LIPA: variants seen among roughly 807,000 people sequenced by gnomAD.
LIPA encodes the protein lysosomal acid lipase/cholesteryl ester hydrolase.
Under a neutral mutation model 40.6 loss-of-function variants are expected in LIPA, and 26 were observed. The ratio of observed to expected loss-of-function variants is 0.64; its 90% CI spans 0.47 to 0.89. The LOEUF (loss-of-function observed/expected upper bound fraction) is 0.89, where lower values mean the gene tolerates loss of function less well. LIPA is among the 40% of genes least tolerant of loss of function. The pLI, the probability that LIPA is intolerant of heterozygous loss-of-function variation, is 0.00. For missense variants in LIPA, 455 were observed against 479.6 expected (o/e 0.95, Z 0.48); for synonymous variants, 188 against 168.4 (o/e 1.12, Z -0.90).
At chr10:89,402,550 T>A (rs1844446204) in intron 2 of LIPA, 1 of 1,613,952 alleles carries the variant, frequency 6.2e-7, no homozygotes, top group Non-Finnish European at 8.5e-7. Context: ...CAAGCAAATG[T>A]GAGGAGTCTG....
At chr10:89,277,921 C>T (rs1205892382) in intron 1 of LIPA, 6 of 152,110 alleles carry the variant, frequency 3.9e-5, no homozygotes, top group South Asian at 2.1e-4. Flanking sequence ...TTAAGTGTTT[C>T]GTGCTCACTT....
At chr10:89,267,558 A>G (rs1172820290) in intron 1 of LIPA, among the ~76,000 whole-genome samples, 7 of 112,158 alleles carry the variant, frequency 6.2e-5, no homozygotes, top group Non-Finnish European at 1.2e-4. Context: ...GAAGGGGAAT[A>G]TCACACTCTG....
chr10:89,261,717 T>G (rs532250332), intron 1 of LIPA, among the ~76,000 whole-genome samples: 1 of 152,250 alleles, frequency 6.6e-6, no homozygotes, highest in South Asian at 2.1e-4. Flanking sequence ...CTAGTCTCAT[T>G]CTGTACCTTC....
intron 2 of LIPA, chr10:89,383,591 G>T (rs1224591269): frequency 6.2e-7 from 1 of 1,614,096 alleles, no homozygotes; most frequent in Non-Finnish European, 8.5e-7. Flanking sequence ...GCAGATATTA[G>T]AAGTCTGGTG....
At chr10:89,368,800 G>GA (rs1844075561) in intron 2 of LIPA, among the ~76,000 whole-genome samples, 1 of 151,938 alleles carries the variant, frequency 6.6e-6, no homozygotes, top group African/African-American at 2.4e-5. Flanking sequence ...TAAGGATGGA[G>GA]AAAAAAATCT....
chr10:89,401,119 CT>C lies in LIPA; in HGVS notation c.61+11671del, dbSNP rs34774861. On this transcript the variant is annotated intron_variant, in intron 2 of 8. Coordinates refer to the LIPA transcript ENST00000371837. ...TATATGAAAGTCTCCATTTAGATGA[CT>C]TTTTTTTTTTTTTTGAGACTGAGTT... Among the ~76,000 whole-genome samples, 1,343 of 139,752 alleles carry C rather than the reference CT, an allele frequency of 9.6e-3. 12 individuals carry two copies. Among genetic ancestry groups the C allele is most frequent in the African/African-American group, 0.024 (905 of 38,280 alleles). The allele number at this position is 139,752 out of a possible 152,430, so 91.7% of individuals were successfully genotyped here. A position where few individuals can be genotyped will look rare whatever the true frequency, so the allele number is the denominator to read the frequency against.
At chr10:89,371,009 C>A (rs1330711774) in intron 2 of LIPA, among the ~76,000 whole-genome samples, 1 of 152,062 alleles carries the variant, frequency 6.6e-6, no homozygotes, top group Non-Finnish European at 1.5e-5. Context: ...CAGAGTGAGA[C>A]TCTGTCTCAA....
intron 1 of LIPA, among the ~76,000 whole-genome samples, chr10:89,286,816 G>C (rs1216365072): frequency 6.6e-6 from 1 of 152,222 alleles, no homozygotes; most frequent in Non-Finnish European, 1.5e-5. Flanking sequence ...ATAGAGTAGA[G>C]TCAGCCAAGT....
intron 1 of LIPA, among the ~76,000 whole-genome samples, chr10:89,250,284 T>C (rs1843100823): frequency 6.6e-6 from 1 of 151,928 alleles, no homozygotes; most frequent in African/African-American, 2.4e-5. Flanking sequence ...TTTGTATTTT[T>C]AGTAGAAACA....
chr10:89,236,248 G>T (rs1842903478), intron 3 of LIPA, among the ~76,000 whole-genome samples: 1 of 152,168 alleles, frequency 6.6e-6, no homozygotes, highest in Non-Finnish European at 1.5e-5. Flanking sequence ...CAAATGTAAA[G>T]ATGTGGTATT....
intron 1 of LIPA, among the ~76,000 whole-genome samples, chr10:89,324,149 C>A (rs1004896610): frequency 6.6e-6 from 1 of 151,342 alleles, no homozygotes; most frequent in Non-Finnish European, 1.5e-5. Flanking sequence ...CTATAGTAAC[C>A]AAAATGCATG....
chr10:89,231,382 T>C lies in LIPA; in HGVS notation c.230-2984A>G, dbSNP rs181032490. Among the ~76,000 whole-genome samples the C allele has an allele frequency of 1.9e-4, 29 of 152,240 alleles. 1 individual carries two copies. In the East Asian group the frequency reaches 5.0e-3, roughly 26 times the overall value. ...CTGCTCACATACATGAAAATATACA[T>C]GGTACTCCCTGGAGTTGTACAACCT... is the stretch of plus-strand genomic sequence containing the variant. On this transcript the variant is annotated intron_variant, in intron 3 of 9. Transcript: ENST00000336233.
chr10:89,378,074 C>G, intron 2 of LIPA: 1 of 1,592,976 alleles, frequency 6.3e-7, no homozygotes, highest in East Asian at 2.4e-5. Flanking sequence ...GTGGATGAAC[C>G]TTGAAGGAGC....
At chr10:89,317,896 G>C (rs1201810393) in intron 1 of LIPA, among the ~76,000 whole-genome samples, 1 of 152,208 alleles carries the variant, frequency 6.6e-6, no homozygotes, top group Non-Finnish European at 1.5e-5. Flanking sequence ...AGCCAGAAGA[G>C]AGTGGGGGCC....
intron 3 of LIPA, among the ~76,000 whole-genome samples, chr10:89,228,823 A>G (rs1298044467): frequency 6.6e-6 from 1 of 152,270 alleles, no homozygotes; most frequent in Non-Finnish European, 1.5e-5. Context: ...TACACGTATC[A>G]GAATGAGCAA....
At chr10:89,344,706 C>T (rs560987018), upstream of LIPA, among the ~76,000 whole-genome samples, 47 of 151,974 alleles carry the variant, frequency 3.1e-4, no homozygotes, top group South Asian at 1.0e-3. Context: ...AATAAAAACA[C>T]CCCTCAAAGG....
chr10:89,357,845 C>A (rs1359187514), intron 2 of LIPA, among the ~76,000 whole-genome samples: 1 of 152,122 alleles, frequency 6.6e-6, no homozygotes, highest in Non-Finnish European at 1.5e-5. Context: ...TAAGATTTAT[C>A]TTTTCAACAG....
chr10:89,375,013 G>T (rs1395037700), intron 2 of LIPA, among the ~76,000 whole-genome samples: 3 of 152,196 alleles, frequency 2.0e-5, no homozygotes, highest in Non-Finnish European at 2.9e-5. Context: ...AGTGCCCACT[G>T]GGAAAAATTG....
rs202157279 is a variant in LIPA at position 89,332,605 on chromosome 10, T to C, written c.-2+10006A>G. 6.2e-6 allele frequency: 10 copies of C among 1,614,148 alleles called. No homozygotes were observed. The African/African-American group carries it at 8.0e-5, about 13-fold the overall frequency. Reference sequence around the variant, plus strand: ...AACCGGGACCCCAGCTTTTCAGAACTGCAGGGAAACAGCCATCATGAGGTA... The same window carrying C: ...AACCGGGACCCCAGCTTTTCAGAACCGCAGGGAAACAGCCATCATGAGGTA... On this transcript the variant is annotated intron_variant, in intron 1 of 5. Transcript: ENST00000282673.
Sources: allele counts gnomAD v4.1 joint callset (sites outside exome capture counted in the v4.1 genomes callset), GRCh38; gene constraint gnomAD v4.1.1; transcripts MANE v1.5; gene names NCBI Gene and HGNC (gene_info 2026-07-23, HGNC 2026-07-21).